GABBR1: variants seen among roughly 807,000 people sequenced by gnomAD.
GABBR1 encodes gamma-aminobutyric acid type B receptor subunit 1.
A neutral mutation model predicts 117.7 loss-of-function variants in GABBR1; 35 were observed. The observed-to-expected ratio is 0.30, with a 90% CI of 0.23 to 0.39. The LOEUF (loss-of-function observed/expected upper bound fraction) is 0.39. Among genes scored for constraint, GABBR1 ranks in the 10% least tolerant of loss-of-function variants. The pLI is 1.00. For synonymous variants in GABBR1, 442 were observed against 486.6 expected (o/e 0.91, Z 1.21); for missense variants, 709 against 1,241.8 (o/e 0.57, Z 6.45).
rs1352440678 is a variant in GABBR1 at position 29,627,693 on chromosome 6, G to C, written c.497-47C>G. On this transcript the variant is annotated intron_variant, in intron 5 of 22. Transcript: ENST00000377034. This position sits in a 1 kb window ranked among gnomAD's most constrained non-coding sequence, Gnocchi z 4.4. ...CCCGCGAGTGAGGCCGCGGGAGATG[G>C]GGGGAGTGGGAGGCCCACACCGGAG... 5.2e-6 allele frequency: 8 copies of C among 1,532,790 alleles called. 1 individual carries two copies. Among genetic ancestry groups the C allele is most frequent in the Middle Eastern group, 3.3e-4 (2 of 5,990 alleles). The allele number at this position is 1,532,790 out of a possible 1,614,324, so 94.9% of individuals were successfully genotyped here.
chr6:29,614,103 C>G (rs1762824944), intron 11 of GABBR1, among the ~76,000 whole-genome samples: 1 of 152,188 alleles, frequency 6.6e-6, no homozygotes, highest in South Asian at 2.1e-4. Context: ...CTACCCACAC[C>G]CCTCCCAACA....
At position 29,604,541 on chromosome 6, in the gene GABBR1, G is replaced by A. The variant is rs1439541952; in HGVS notation, c.2665C>T (p.Arg889Trp). The A allele has an allele frequency of 2.5e-6, 4 of 1,613,120 alleles. No homozygotes were observed. The highest frequency in any genetic ancestry group is 3.3e-5 in the Admixed American group (2 of 60,000). Residue 889 changes from arginine to tryptophan, a missense_variant, in exon 22 of 23, where the codon CGG becomes TGG. By Grantham distance (101) the Arg-to-Trp change is moderately radical. Transcript: ENST00000377034. The surrounding 1 kb of genome is among the most constrained non-coding windows in gnomAD (Gnocchi z 5.3). Reference protein sequence around the residue: ...STNNNEEEKSRLLEKENRELE... With the variant: ...STNNNEEEKSWLLEKENRELE... ...TCACGGTTCTCCTTCTCCAACAGCC[G>A]GGACTTCTCCTCCTCGTTGTTGTTG...
Position 29,607,142 on chromosome 6 carries a change from G to A in GABBR1, c.2069C>T (p.Thr690Met), listed in dbSNP as rs1762044563. Residue 690 changes from threonine (T) to methionine (M), a missense_variant, in exon 17 of 23, where the codon ACG becomes ATG. By Grantham distance (81) the Thr-to-Met change is moderately conservative (BLOSUM62 -1). This residue lies in a region of GABBR1 where 251 missense variants were observed against 445.3 expected (regional missense o/e 0.56). Transcript: ENST00000377034. The surrounding 1 kb of genome is among the most constrained non-coding windows in gnomAD (Gnocchi z 5.0). ...SMFTKIWWVH[T>M]VFTKKEEKKE... ...CTTTTCTTCCTTCTTTGTGAAGACC[G>A]TGTGGACCCACCAAATCTTGGTGAA... The A allele has an allele frequency of 1.2e-6, 2 of 1,614,130 alleles. No homozygotes were observed. The highest frequency in any genetic ancestry group is 8.5e-7 in the Non-Finnish European group (1 of 1,180,002).
rs1764803673 is a variant in GABBR1, at chr6:29,630,114, T to A, written c.475+344A>T. ...CTAGAAGAGGGTGATGCATGGAAAT[T>A]TCTAAGTTTAGAGAAAGGGAAAATT... On this transcript the variant is annotated intron_variant, in intron 4 of 22. Transcript: ENST00000377034. The surrounding 1 kb of genome is among the most constrained non-coding windows in gnomAD (Gnocchi z 4.9). The A allele has an allele frequency of 3.8e-6, 1 of 262,232 alleles. No individual in the cohort carries two copies. The highest frequency in any genetic ancestry group is 6.8e-5 in the East Asian group (1 of 14,688). The allele number at this position is 262,232 out of a possible 1,614,324, so 16.2% of individuals were successfully genotyped here.
chr6:29,613,215 G>C lies in GABBR1; in HGVS notation c.1566+28C>G, dbSNP rs1431985532. 6.2e-7 allele frequency: 1 copy of C among 1,608,390 alleles called. No homozygotes were observed. The highest frequency in any genetic ancestry group is 8.5e-7 in the Non-Finnish European group (1 of 1,176,094). On this transcript the variant is annotated intron_variant, in intron 12 of 22. Coordinates refer to ENST00000377034, the MANE Select transcript of GABBR1 (RefSeq NM_001470.4). The surrounding 1 kb of genome is among the most constrained non-coding windows in gnomAD (Gnocchi z 4.1). ...AGTCTCTCTCAAGATTGGGAAGACA[G>C]GGGAGTATGAAGGAAGTTTTAACTC... is the stretch of plus-strand genomic sequence containing the variant.
chr6:29,623,524 C>A lies in GABBR1; in HGVS notation c.793-49G>T. 1 of 1,544,092 alleles carries A rather than the reference C, an allele frequency of 6.5e-7. No homozygotes were observed. Among genetic ancestry groups the A allele is most frequent in the South Asian group, 1.1e-5 (1 of 87,040 alleles). On this transcript the variant is annotated intron_variant, in intron 7 of 22. Coordinates refer to ENST00000377034, the MANE Select transcript of GABBR1 (RefSeq NM_001470.4). The surrounding 1 kb of genome is among the most constrained non-coding windows in gnomAD (Gnocchi z 6.2). ...CAACAGGGTCTGTTCACTGAGGACACCAAGAGTGGCCAAGAGTTCCTTTAA... is the reference window on the plus strand; with the variant it reads ...CAACAGGGTCTGTTCACTGAGGACAACAAGAGTGGCCAAGAGTTCCTTTAA...
rs1171467033 is a variant in GABBR1, at chr6:29,627,420, G to C, written c.657+66C>G. ...AGACGACTCAGACAGATGGGGGCGC[G>C]TGCAGCTGGCTGGCCCCCTGCCCCG... On this transcript the variant is annotated intron_variant, in intron 6 of 22. Transcript: ENST00000377034. This position sits in a 1 kb window ranked among gnomAD's most constrained non-coding sequence, Gnocchi z 4.4. 4.1e-6 allele frequency: 6 copies of C among 1,478,684 alleles called. No homozygotes were observed. The highest frequency in any genetic ancestry group is 4.6e-6 in the Non-Finnish European group (5 of 1,090,224). The allele number at this position is 1,478,684 out of a possible 1,614,324, so 91.6% of individuals were successfully genotyped here.
At chr6:29,628,017 C>A in intron 5 of GABBR1, 1 of 1,255,308 alleles carries the variant, frequency 8.0e-7, no homozygotes, top group Non-Finnish European at 1.0e-6. Flanking sequence ...ACTGACTGAC[C>A]GACGGAGGGG....
Position 29,606,983 on chromosome 6 carries a change from A to T in GABBR1, c.2131T>A (p.Tyr711Asn). The T allele has an allele frequency of 6.2e-7, 1 of 1,614,228 alleles. No individual in the cohort carries two copies. Among genetic ancestry groups the T allele is most frequent in the Non-Finnish European group, 8.5e-7 (1 of 1,180,030 alleles). ...CCCACCAGCAGGCCCACTGTGGCATACAGCTTCCAGGGTTCCAGAGTCTGG... is the reference window on the plus strand; with the variant it reads ...CCCACCAGCAGGCCCACTGTGGCATTCAGCTTCCAGGGTTCCAGAGTCTGG... ...WRKTLEPWKL[Y>N]ATVGLLVGMD... is the part of the protein sequence containing the mutation. The change falls in exon 18 of 23, where the codon TAT becomes AAT. Residue 711 changes from tyrosine (Y) to asparagine (N), a missense_variant. Around this residue, in one of 9 missense-constraint regions of GABBR1, gnomAD observed 251 missense variants for 445.3 expected, o/e 0.56. Transcript: ENST00000377034. This position sits in a 1 kb window ranked among gnomAD's most constrained non-coding sequence, Gnocchi z 4.5.
In GABBR1 at chr6:29,606,127, G is replaced by A; in HGVS notation, c.2311+264C>T. 1.8e-6 allele frequency: 1 copy of A among 559,916 alleles called. No homozygotes were observed. The highest frequency in any genetic ancestry group is 2.8e-5 in the East Asian group (1 of 35,362). The allele number at this position is 559,916 out of a possible 1,614,324, so 34.7% of individuals were successfully genotyped here. A position where few individuals can be genotyped will look rare whatever the true frequency, so the allele number is the denominator to read the frequency against. On this transcript the variant is annotated intron_variant, in intron 19 of 22. Transcript: ENST00000377034. This position sits in a 1 kb window ranked among gnomAD's most constrained non-coding sequence, Gnocchi z 4.5. ...AGATAATGTCAAGTCTGGAGGTGGG[G>A]TTACCCCCACTTGTTCCTCTGCTGA...
At chr6:29,629,478 T>C (rs1336970384) in intron 4 of GABBR1, among the ~76,000 whole-genome samples, 1 of 152,194 alleles carries the variant, frequency 6.6e-6, no homozygotes, top group African/African-American at 2.4e-5. Flanking sequence ...CTGCAATTTT[T>C]ACAAAAGCCT....
chr6:29,628,294 C>G (rs1212852287), intron 5 of GABBR1: 2 of 183,158 alleles, frequency 1.1e-5, no homozygotes, highest in African/African-American at 7.5e-5. Context: ...CGGGGCGTGC[C>G]AGGAGGGCGG....
In GABBR1 at chr6:29,606,901, A is replaced by G. The variant is rs757518581; in HGVS notation, c.2213T>C (p.Ile738Thr). 13 of 1,613,622 alleles carry G rather than the reference A, an allele frequency of 8.1e-6. No homozygotes were observed. Among genetic ancestry groups the G allele is most frequent in the African/African-American group, 1.3e-5 (1 of 74,944 alleles). ...GCACCTCCTCTCCAGTGGTACCTCA[A>G]TGGTCCGGTGCAGAGGGTCCACGAT... Reference protein sequence around the residue: ...WQIVDPLHRTIETFAKEEPKE... With the variant: ...WQIVDPLHRTTETFAKEEPKE... The change falls in exon 18 of 23, where the codon ATT (isoleucine) becomes ACT (threonine). Residue 738 changes from isoleucine (I) to threonine (T), a missense_variant. By Grantham distance (89) the Ile-to-Thr change is moderately conservative. Coordinates refer to ENST00000377034, the MANE Select transcript of GABBR1 (RefSeq NM_001470.4). This position sits in a 1 kb window ranked among gnomAD's most constrained non-coding sequence, Gnocchi z 4.5.
chr6:29,629,300 C>T, intron 4 of GABBR1, 193 bp from the exon 5 acceptor site: 1 of 704,230 alleles, frequency 1.4e-6, no homozygotes, highest in Non-Finnish European at 2.6e-6. Flanking sequence ...GACTTATTTT[C>T]TTCTTCGATT....
Position 29,602,583 on chromosome 6 carries a change from C to G in GABBR1, c.*960G>C. The G allele has an allele frequency of 5.6e-6, 1 of 179,970 alleles. No individual in the cohort carries two copies. Among genetic ancestry groups the G allele is most frequent in the Admixed American group, 5.4e-5 (1 of 18,526 alleles). The allele number at this position is 179,970 out of a possible 1,614,324, so 11.1% of individuals were successfully genotyped here. ...GTGACAAGGAGAGGGTGTGGATGGC[C>G]CCACCAAACATGAATTGGGGAAAAG... On this transcript the variant is annotated 3_prime_UTR_variant, in exon 23 of 23. Transcript: ENST00000377034.
In GABBR1 at chr6:29,621,704, A is replaced by G. The variant is rs769505685; in HGVS notation, c.1131+48T>C. On this transcript the variant is annotated intron_variant, in intron 10 of 22. Coordinates refer to ENST00000377034, the MANE Select transcript of GABBR1 (RefSeq NM_001470.4). The surrounding 1 kb of genome is among the most constrained non-coding windows in gnomAD (Gnocchi z 5.0). ...CAAGAGGAGGCCCCACAAGAAAACC[A>G]AGGGAAACTCCCACCCAGTGCCCCT... 6.4e-7 allele frequency: 1 copy of G among 1,555,324 alleles called. No homozygotes were observed. Among genetic ancestry groups the G allele is most frequent in the Admixed American group, 1.7e-5 (1 of 59,816 alleles).
chr6:29,617,116 A>T (rs892404996), intron 11 of GABBR1, among the ~76,000 whole-genome samples: 1 of 151,888 alleles, frequency 6.6e-6, no homozygotes, highest in African/African-American at 2.4e-5. Context: ...CTTTAAAATG[A>T]GAATAATACT....
At position 29,606,853 on chromosome 6, in the gene GABBR1, C is replaced by G. The variant is rs766226267; in HGVS notation, c.2217+44G>C. ...CCCCAGGGCCCTGATGGCCACTGAG[C>G]CCTGCTCATTCTCCTGACCATAGCA... On this transcript the variant is annotated intron_variant, in intron 18 of 22. Coordinates refer to ENST00000377034, the MANE Select transcript of GABBR1 (RefSeq NM_001470.4). This position sits in a 1 kb window ranked among gnomAD's most constrained non-coding sequence, Gnocchi z 4.5. The G allele has an allele frequency of 5.8e-6, 9 of 1,543,596 alleles. No homozygotes were observed. Among genetic ancestry groups the G allele is most frequent in the Non-Finnish European group, 8.1e-6 (9 of 1,117,056 alleles).
rs1489820122 is a variant in GABBR1, at chr6:29,609,174, A to C, written c.1859+55T>G. ...GGTTTTATTCTCATCCTGTCCAGGA[A>C]CATGATCAGTATCTCAGAGAGGCAG... On this transcript the variant is annotated intron_variant, in intron 15 of 22. Transcript: ENST00000377034. This position sits in a 1 kb window ranked among gnomAD's most constrained non-coding sequence, Gnocchi z 4.3. 1.5e-5 allele frequency: 24 copies of C among 1,552,644 alleles called. No individual in the cohort carries two copies. The highest frequency in any genetic ancestry group is 2.1e-5 in the Non-Finnish European group (24 of 1,126,782).
Sources: gnomAD v4.1 joint callset for allele counts (sites outside exome capture counted in the v4.1 genomes callset) on GRCh38, gnomAD v4.1.1 for gene constraint, gnomAD v4.1.1 regional missense constraint, Gnocchi (gnomAD v3.1) non-coding constraint, MANE v1.5 for transcripts, NCBI Gene and HGNC (gene_info 2026-07-23, HGNC 2026-07-21) for gene names.